The following DOCK3 variants were observed in gnomAD, a reference collection of about 807,000 sequenced individuals.
DOCK3 encodes the protein dedicator of cytokinesis protein 3.
DOCK3 carries 60 observed loss-of-function variants against 265.6 expected under a neutral mutation model. The ratio of observed to expected loss-of-function variants is 0.23; its 90% CI spans 0.18 to 0.28. The LOEUF (loss-of-function observed/expected upper bound fraction) is 0.28, where lower values mean the gene tolerates loss of function less well. DOCK3 is among the 10% of genes least tolerant of loss of function. DOCK3 has a pLI of 1.00. For missense variants in DOCK3, 1,981 were observed against 2,594.3 expected (o/e 0.76, Z 5.14); for synonymous variants, 881 against 938.0 (o/e 0.94, Z 1.11).
chr3:51,031,469 C>T (rs1244006603), intron 5 of DOCK3, among the ~76,000 whole-genome samples: 1 of 152,166 alleles, frequency 6.6e-6, no homozygotes, highest in Non-Finnish European at 1.5e-5. Context: ...GGAGTCTATG[C>T]CAGCACTTAT....
chr3:51,198,724 T>C (rs947597815), intron 12 of DOCK3, among the ~76,000 whole-genome samples: 1 of 152,156 alleles, frequency 6.6e-6, no homozygotes, highest in Non-Finnish European at 1.5e-5. Flanking sequence ...AGAATAGCTT[T>C]AGAAGGTGCA....
At chr3:51,261,535 G>T (rs1230802369) in intron 23 of DOCK3, among the ~76,000 whole-genome samples, 2 of 152,176 alleles carry the variant, frequency 1.3e-5, no homozygotes, top group African/African-American at 2.4e-5. Context: ...TCATACCCCA[G>T]TGGAGCCTGG....
At chr3:51,187,014 G>T (rs1322336805) in intron 12 of DOCK3, among the ~76,000 whole-genome samples, 1 of 152,194 alleles carries the variant, frequency 6.6e-6, no homozygotes, top group Non-Finnish European at 1.5e-5. Flanking sequence ...GCCTAGTGGA[G>T]CTGTGAGAAG....
At chr3:51,208,750 A>G (rs756303365) in intron 12 of DOCK3, 24 bp from the exon 13 acceptor site, 18 of 1,586,238 alleles carry the variant, frequency 1.1e-5, no homozygotes, top group African/African-American at 5.4e-5. Context: ...CTTGAGTACC[A>G]TAACACCTGT....
intron 1 of DOCK3, among the ~76,000 whole-genome samples, chr3:50,709,812 G>T (rs1200074890): frequency 1.3e-5 from 2 of 152,170 alleles, no homozygotes; most frequent in Non-Finnish European, 2.9e-5. Context: ...GGTGACAAGA[G>T]TGAGACTCCA....
At chr3:50,824,671 A>G (rs2044652758) in intron 2 of DOCK3, among the ~76,000 whole-genome samples, 1 of 152,058 alleles carries the variant, frequency 6.6e-6, no homozygotes, top group Admixed American at 6.6e-5. Context: ...ACCAGGGTCT[A>G]TTTCTAGCTC....
chr3:51,115,148 G>A (rs1324560757), intron 9 of DOCK3, among the ~76,000 whole-genome samples: 1 of 152,154 alleles, frequency 6.6e-6, no homozygotes, highest in African/African-American at 2.4e-5. Context: ...ATAATCCTTA[G>A]GGTATATACC....
In DOCK3 at chr3:51,381,464, C is replaced by T; in HGVS notation, c.5998C>T (p.Pro2000Ser). The T allele has an allele frequency of 1.3e-6, 2 of 1,597,862 alleles. No homozygotes were observed. The highest frequency in any genetic ancestry group is 2.2e-5 in the South Asian group (2 of 89,390). ...GCTGCTGCGTGAAGAGACTGAGAGG[C>T]CTCGAGGCCTGCACCGCAAGGCTCC... The part of the protein sequence containing the change: ...GVLLREETER[P>S]RGLHRKAPLP... Residue 2000 changes from proline to serine, a missense_variant, in exon 53 of 53, where the codon CCT becomes TCT. Physicochemically the swap from Pro to Ser is moderately conservative, Grantham distance 74. Around this residue, in one of 4 missense-constraint regions of DOCK3, gnomAD observed 149 missense variants for 144.7 expected, o/e 1.03. Transcript: ENST00000266037. The surrounding 1 kb of genome is among the most constrained non-coding windows in gnomAD (Gnocchi z 5.6).
intron 12 of DOCK3, among the ~76,000 whole-genome samples, chr3:51,169,087 CAG>C (rs1468880705): frequency 6.6e-6 from 1 of 152,150 alleles, no homozygotes; most frequent in Non-Finnish European, 1.5e-5. Flanking sequence ...AAAAAAATAA[CAG>C]ATGCTGGTGA....
intron 32 of DOCK3, among the ~76,000 whole-genome samples, chr3:51,326,788 A>AT (rs967341062): frequency 3.3e-5 from 5 of 150,398 alleles, no homozygotes; most frequent in Admixed American, 1.3e-4. Flanking sequence ...TGCCCAGCTA[A>AT]TTTTTTTTGT....
At chr3:51,005,012 A>G (rs2078628807) in intron 5 of DOCK3, among the ~76,000 whole-genome samples, 1 of 151,414 alleles carries the variant, frequency 6.6e-6, no homozygotes, top group African/African-American at 2.4e-5. Flanking sequence ...CTTGATTTAT[A>G]TGTTGTACTG....
intron 5 of DOCK3, among the ~76,000 whole-genome samples, chr3:50,978,128 CCTT>C (rs2077539184): frequency 1.3e-5 from 2 of 151,746 alleles, no homozygotes; most frequent in Admixed American, 1.3e-4. Flanking sequence ...TCGTCTGAAG[CCTT>C]CTTCTCTCAG....
rs148289850 is a variant in DOCK3 at position 51,039,286 on chromosome 3, G to A, written c.316-25162G>A. On this transcript the variant is annotated intron_variant, in intron 5 of 52. Transcript: ENST00000266037. The stretch of plus-strand genomic sequence containing the variant: ...GCTGGGATTATAGGGGTGAGCCACC[G>A]TACCCAGCTTATTTTTTATTTTTAC... 5.3e-5 allele frequency among the ~76,000 whole-genome samples: 8 copies of A among 152,198 alleles called. No homozygotes were observed. The East Asian group carries it at 9.6e-4, about 18-fold the overall frequency.
intron 31 of DOCK3, among the ~76,000 whole-genome samples, 171 bp downstream of exon 31, chr3:51,313,073 C>A (rs144322109): frequency 1.3e-5 from 2 of 152,326 alleles, no homozygotes; most frequent in African/African-American, 4.8e-5. Flanking sequence ...TGCATAAAGC[C>A]CTTGGCAAGG....
chr3:51,008,879 G>A (rs1326009767), intron 5 of DOCK3, among the ~76,000 whole-genome samples: 2 of 152,146 alleles, frequency 1.3e-5, no homozygotes, highest in Non-Finnish European at 2.9e-5. Flanking sequence ...AGATAATCAT[G>A]TGGTTTTTGT....
chr3:51,110,320 A>G (rs749647840), intron 9 of DOCK3, among the ~76,000 whole-genome samples: 2 of 152,178 alleles, frequency 1.3e-5, no homozygotes, highest in Non-Finnish European at 2.9e-5. Context: ...AACTCATTCT[A>G]TGAGGTCAGC....
intron 27 of DOCK3, among the ~76,000 whole-genome samples, chr3:51,291,494 CAT>C (rs1367898338): frequency 6.6e-6 from 1 of 151,986 alleles, no homozygotes; most frequent in East Asian, 1.9e-4. Context: ...GATTGGACAA[CAT>C]AGGAGAAAAT....
intron 3 of DOCK3, among the ~76,000 whole-genome samples, chr3:50,856,829 G>A (rs189903403): frequency 4.1e-4 from 63 of 152,082 alleles, no homozygotes; most frequent in African/African-American, 1.5e-3. Context: ...TGTCATCTAT[G>A]GCTCTTATTA....
chr3:51,325,202 GAACTT>G (rs1480190913), intron 32 of DOCK3, among the ~76,000 whole-genome samples: 1 of 150,740 alleles, frequency 6.6e-6, no homozygotes, highest in Admixed American at 6.6e-5. Flanking sequence ...AATCTACAAA[GAACTT>G]AAATTTACAA....
Sources: allele counts gnomAD v4.1 joint callset (sites outside exome capture counted in the v4.1 genomes callset), GRCh38; gene constraint gnomAD v4.1.1; regional missense constraint gnomAD v4.1.1; non-coding constraint Gnocchi (gnomAD v3.1); transcripts MANE v1.5; gene names NCBI Gene and HGNC (gene_info 2026-07-23, HGNC 2026-07-21).